The following SPATA13 variants were observed in gnomAD, a reference collection of about 807,000 sequenced individuals.
The protein encoded by SPATA13 is spermatogenesis associated 13, also known as spermatogenesis-associated protein 13.
A neutral mutation model predicts 104.0 loss-of-function variants in SPATA13; 50 were observed. The ratio of observed to expected loss-of-function variants is 0.48; its 90% CI spans 0.38 to 0.61. The LOEUF (loss-of-function observed/expected upper bound fraction) is 0.61, where lower values mean the gene tolerates loss of function less well. Ranked by LOEUF, SPATA13 falls within the 20% of genes least tolerant of loss-of-function variation. The pLI is 0.00. For synonymous variants in SPATA13, 606 were observed against 667.5 expected (o/e 0.91, Z 1.42); for missense variants, 1,524 against 1,690.6 (o/e 0.90, Z 1.73).
chr13:24,229,261 GA>G (rs535123625), intron 2 of SPATA13, among the ~76,000 whole-genome samples: 139 of 152,278 alleles, frequency 9.1e-4, no homozygotes, highest in African/African-American at 3.2e-3. Flanking sequence ...ATATGCCATG[GA>G]AAAAACTCTT....
chr13:24,069,511 A>G (rs1879084910), intron 3 of SPATA13, among the ~76,000 whole-genome samples: 1 of 152,166 alleles, frequency 6.6e-6, no homozygotes, highest in African/African-American at 2.4e-5. Flanking sequence ...CAGGTTAAGA[A>G]GCTTTTGGTC....
chr13:24,117,394 C>T (rs1880880531), intron 3 of SPATA13, among the ~76,000 whole-genome samples: 2 of 152,152 alleles, frequency 1.3e-5, no homozygotes, highest in South Asian at 4.1e-4. Context: ...TAACCCATAA[C>T]CAACTATTGT....
chr13:24,244,136 C>A (rs1179953892), intron 2 of SPATA13, among the ~76,000 whole-genome samples: 1 of 152,178 alleles, frequency 6.6e-6, no homozygotes, highest in African/African-American at 2.4e-5. Context: ...TGCATCACTC[C>A]AGTCTCTGCC....
At chr13:24,074,919 A>T (rs567741017) in intron 3 of SPATA13, among the ~76,000 whole-genome samples, 3 of 129,188 alleles carry the variant, frequency 2.3e-5, no homozygotes, top group African/African-American at 8.7e-5. Flanking sequence ...GCAGTTTGGC[A>T]TTTGCCTTAT....
At chr13:24,122,514 A>G in intron 3 of SPATA13, 5 of 1,605,938 alleles carry the variant, frequency 3.1e-6, no homozygotes, top group East Asian at 2.2e-5. Context: ...TATCATCTTC[A>G]TCACTCCCCG....
At chr13:24,109,742 T>G (rs1276098778) in intron 3 of SPATA13, among the ~76,000 whole-genome samples, 1 of 152,108 alleles carries the variant, frequency 6.6e-6, no homozygotes, top group Non-Finnish European at 1.5e-5. Flanking sequence ...ATTACATGGA[T>G]AGACTGTAAT....
chr13:24,054,037 G>A (rs114681973), intron 3 of SPATA13, among the ~76,000 whole-genome samples: 130 of 152,236 alleles, frequency 8.5e-4, no homozygotes, highest in South Asian at 2.9e-3. Context: ...TCTGCCCTGC[G>A]GGGACACTCT....
rs188061415 is a variant in SPATA13 at position 24,057,739 on chromosome 13, C to G, written c.-112+40038C>G. On this transcript the variant is annotated intron_variant, in intron 3 of 14. Coordinates refer to the SPATA13 transcript ENST00000424834. ...ATATATGTGTGATCTTTTCTCTGGT[C>G]TCTGAGCACCTTGACCCTAAACCAA... Among the ~76,000 whole-genome samples, 252 of 151,898 alleles carry G rather than the reference C, an allele frequency of 1.7e-3. 1 individual carries two copies. Among genetic ancestry groups the G allele is most frequent in the African/African-American group, 5.9e-3 (246 of 41,500 alleles).
intron 3 of SPATA13, among the ~76,000 whole-genome samples, chr13:24,078,133 G>T (rs1277369049): frequency 1.3e-5 from 2 of 152,086 alleles, no homozygotes; most frequent in African/African-American, 4.8e-5. Context: ...CTGCCTGCCT[G>T]CCACCTGCTC....
chr13:24,173,442 T>C (rs1287498699), intron 1 of SPATA13, among the ~76,000 whole-genome samples: 4 of 151,636 alleles, frequency 2.6e-5, no homozygotes, highest in Admixed American at 2.6e-4. Flanking sequence ...AATCATGTCA[T>C]GTACAAATGG....
intron 4 of SPATA13, among the ~76,000 whole-genome samples, chr13:24,280,191 A>C (rs1017978831): frequency 2.0e-5 from 3 of 152,094 alleles, no homozygotes; most frequent in African/African-American, 7.2e-5. Context: ...TGTTTTGCTA[A>C]GTGTTTATGA....
intron 3 of SPATA13, among the ~76,000 whole-genome samples, chr13:24,104,669 TAA>T (rs1354460878): frequency 8.5e-5 from 13 of 152,228 alleles, no homozygotes; most frequent in Admixed American, 7.9e-4. Flanking sequence ...TTTGATGAGC[TAA>T]GAGTCTAATT....
At chr13:24,010,088 G>A (rs1292041971) in intron 2 of SPATA13, among the ~76,000 whole-genome samples, 1 of 152,198 alleles carries the variant, frequency 6.6e-6, no homozygotes, top group Non-Finnish European at 1.5e-5. Flanking sequence ...GTCCTGAAAG[G>A]TGGGACCACT....
At chr13:23,980,649 G>C (rs961921657) in intron 1 of SPATA13, among the ~76,000 whole-genome samples, 1 of 152,208 alleles carries the variant, frequency 6.6e-6, no homozygotes, top group African/African-American at 2.4e-5. Flanking sequence ...TTGGAGGGCA[G>C]TGGCGGATCT....
At chr13:23,981,714 AT>A (rs1342642117) in intron 1 of SPATA13, among the ~76,000 whole-genome samples, 1 of 152,208 alleles carries the variant, frequency 6.6e-6, no homozygotes, top group Non-Finnish European at 1.5e-5. Context: ...AAGTGCGGTG[AT>A]AAGCCTCATG....
At chr13:24,074,768 G>A (rs559122208) in intron 3 of SPATA13, among the ~76,000 whole-genome samples, 4 of 152,272 alleles carry the variant, frequency 2.6e-5, no homozygotes, top group South Asian at 4.1e-4. Context: ...CTTGAATTGG[G>A]CAGCACAACC....
chr13:24,129,611 G>A (rs989297082), intron 3 of SPATA13, among the ~76,000 whole-genome samples: 1 of 152,186 alleles, frequency 6.6e-6, no homozygotes, highest in African/African-American at 2.4e-5. Context: ...GACGGGCAGG[G>A]CCACCCTATG....
intron 2 of SPATA13, among the ~76,000 whole-genome samples, chr13:24,000,733 CT>C (rs920447059): frequency 4.9e-4 from 74 of 152,140 alleles, no homozygotes; most frequent in African/African-American, 1.7e-3. Context: ...TGGGAGAGCT[CT>C]GGGTCAGAGG....
chr13:24,204,234 A>G (rs1870576789), intron 1 of SPATA13, among the ~76,000 whole-genome samples: 1 of 152,196 alleles, frequency 6.6e-6, no homozygotes, highest in African/African-American at 2.4e-5. Context: ...GCCGTCCTCC[A>G]GAGTCTCTGT....
Sources: allele counts gnomAD v4.1 joint callset (sites outside exome capture counted in the v4.1 genomes callset), GRCh38; gene constraint gnomAD v4.1.1; transcripts MANE v1.5; gene names NCBI Gene and HGNC (gene_info 2026-07-23, HGNC 2026-07-21).